Variants in MYOM3 observed in about 807,000 individuals in gnomAD.
MYOM3 encodes myomesin-3.
In MYOM3, 155 loss-of-function variants were observed where a neutral mutation model predicts 191.7. The ratio of observed to expected loss-of-function variants is 0.81; its 90% CI spans 0.71 to 0.92. The LOEUF is 0.92. Ranked by LOEUF, MYOM3 falls within the 40% of genes least tolerant of loss-of-function variation. The pLI, the probability that MYOM3 is intolerant of heterozygous loss-of-function variation, is 0.00. For synonymous variants in MYOM3, 757 were observed against 762.9 expected, an observed-to-expected ratio of 0.99 and a Z score of 0.13; for missense variants, 1,889 against 1,890.6, an observed-to-expected ratio of 1.00 and a Z score of 0.02.
chr1:24,080,090 C>A lies in MYOM3; in HGVS notation c.2512G>T (p.Val838Phe). The change falls in exon 20 of 37, where the codon GTC becomes TTC. Residue 838 changes from valine (V) to phenylalanine (F), a missense_variant. Transcript: ENST00000374434. The part of the protein sequence containing the change: ...MGAGPVTGYH[V>F]SFQEEGSEQW... Reference sequence around the variant, plus strand: ...TCAGAGCCTTCCTCCTGGAAACTGACGTGATAGCCTGTGACAGGCCCAGCC... The same window carrying A: ...TCAGAGCCTTCCTCCTGGAAACTGAAGTGATAGCCTGTGACAGGCCCAGCC... 1 of 1,614,152 alleles carries A rather than the reference C, an allele frequency of 6.2e-7. No homozygotes were observed. Among genetic ancestry groups the A allele is most frequent in the Non-Finnish European group, 8.5e-7 (1 of 1,180,016 alleles).
Position 24,076,140 on chromosome 1 carries a change from C to A in MYOM3, c.2701+19G>T, listed in dbSNP as rs1295459339. On this transcript the variant is annotated intron_variant, in intron 21 of 36. Coordinates refer to ENST00000374434, the MANE Select transcript of MYOM3 (RefSeq NM_152372.4). ...GCGTAGCCCAGTGGCAGAGCTCTGG[C>A]CTCTCCGGCCACCCCTACCTGGCTT... 1.3e-6 allele frequency: 2 copies of A among 1,596,500 alleles called. No individual in the cohort carries two copies. Among genetic ancestry groups the A allele is most frequent in the East Asian group, 2.2e-5 (1 of 44,796 alleles).
rs146094048 is a variant in MYOM3 at position 24,070,296 on chromosome 1, A to G, written c.3150+821T>C. Among the ~76,000 whole-genome samples, 1,006 of 152,334 alleles carry G rather than the reference A, an allele frequency of 6.6e-3. 14 individuals carry two copies. Among genetic ancestry groups the G allele is most frequent in the African/African-American group, 0.023 (962 of 41,566 alleles). On this transcript the variant is annotated intron_variant, in intron 25 of 36. Transcript: ENST00000374434. The stretch of plus-strand genomic sequence containing the variant: ...ATGAATGAGCATAGGTAAAGTAACC[A>G]GCAGAATAAAAATTCTCCATTCAGT...
chr1:24,060,217 T>C (rs537331295), intron 35 of MYOM3, among the ~76,000 whole-genome samples: 26 of 152,250 alleles, frequency 1.7e-4, no homozygotes, highest in South Asian at 1.7e-3. Flanking sequence ...GGTCTTGGGC[T>C]GTGCTCCCTC....
At position 24,071,227 on chromosome 1, in the gene MYOM3, T is replaced by C. The variant is rs554941995; in HGVS notation, c.3040A>G (p.Ile1014Val). The C allele has an allele frequency of 1.9e-6, 3 of 1,613,676 alleles. No homozygotes were observed. Among genetic ancestry groups the C allele is most frequent in the South Asian group, 2.2e-5 (2 of 90,922 alleles). ...PVIKLISGWN[I>V]DILERGEVRL... ...ACCTCCCCTCGCTCCAGGATGTCAA[T>C]GTTCCAGCCGGAGATCAGTTTGATC... is the stretch of plus-strand genomic sequence containing the variant. The change falls in exon 25 of 37, where the codon ATT becomes GTT. Residue 1014 changes from isoleucine to valine, a missense_variant. By Grantham distance (29) the Ile-to-Val change is conservative (BLOSUM62 3). Transcript: ENST00000374434.
chr1:24,071,030 A>G (rs1202270612), intron 25 of MYOM3, 87 bp downstream of exon 25: 1 of 1,477,792 alleles, frequency 6.8e-7, no homozygotes, highest in Non-Finnish European at 9.3e-7. Flanking sequence ...ACTAGGGGGA[A>G]GTACCAGCCC....
rs1428686260 is a variant in MYOM3 at position 24,067,098 on chromosome 1, C to T, written c.3356-10G>A. The T allele has an allele frequency of 3.2e-6, 5 of 1,567,540 alleles. No homozygotes were observed. Among genetic ancestry groups the T allele is most frequent in the Admixed American group, 1.8e-5 (1 of 54,128 alleles). The stretch of plus-strand genomic sequence containing the variant: ...CGCTCAAAATAGGGACCTGTGCGTG[C>T]AAAACAAATGTGCCCACTGTCAGAG... On this transcript the variant is annotated splice_polypyrimidine_tract_variant and intron_variant, in intron 27 of 36. Coordinates refer to ENST00000374434, the MANE Select transcript of MYOM3 (RefSeq NM_152372.4).
intron 20 of MYOM3, among the ~76,000 whole-genome samples, chr1:24,079,268 C>G (rs1028156265): frequency 6.6e-6 from 1 of 152,092 alleles, no homozygotes; most frequent in South Asian, 2.1e-4. Context: ...GGTACGATCA[C>G]GGCTCCCTGC....
chr1:24,106,096 G>A lies in MYOM3; in HGVS notation c.403-19C>T, dbSNP rs2148562213. On this transcript the variant is annotated intron_variant, in intron 4 of 36. Transcript: ENST00000374434. ...CCTCTGTCTGGAGGCGGGAAGAGGT[G>A]TATGACGCTGTGAGCCAGGGACCAC... 1.3e-6 allele frequency: 2 copies of A among 1,585,858 alleles called. No homozygotes were observed. Among genetic ancestry groups the A allele is most frequent in the Non-Finnish European group, 8.6e-7 (1 of 1,166,720 alleles).
chr1:24,070,830 T>C (rs900968981), intron 25 of MYOM3, among the ~76,000 whole-genome samples: 3 of 152,196 alleles, frequency 2.0e-5, no homozygotes, highest in African/African-American at 7.2e-5. Context: ...TAAGAATGTC[T>C]GGTGGGGTAA....
rs1003048915 is a variant in MYOM3, at chr1:24,070,294, C to T, written c.3150+823G>A. On this transcript the variant is annotated intron_variant, in intron 25 of 36. Transcript: ENST00000374434. Reference sequence around the variant, plus strand: ...AAATGAATGAGCATAGGTAAAGTAACCAGCAGAATAAAAATTCTCCATTCA... The same window carrying T: ...AAATGAATGAGCATAGGTAAAGTAATCAGCAGAATAAAAATTCTCCATTCA... Among the ~76,000 whole-genome samples, 6 of 152,022 alleles carry T rather than the reference C, an allele frequency of 3.9e-5. No homozygotes were observed. In the East Asian group the frequency reaches 1.2e-3, roughly 29 times the overall value.
rs541711403 is a variant in MYOM3 at position 24,090,490 on chromosome 1, C to T, written c.1432+307G>A. Among the ~76,000 whole-genome samples the T allele has an allele frequency of 6.6e-5, 10 of 152,294 alleles. No homozygotes were observed. In the South Asian group the frequency reaches 1.9e-3, roughly 28 times the overall value. On this transcript the variant is annotated intron_variant, in intron 12 of 36. Transcript: ENST00000374434. ...CGAGCTTAAGGACATCTGACAGGTGCTGGGGTAGGGTGCTCCCTCAGACTG... is the reference window on the plus strand; with the variant it reads ...CGAGCTTAAGGACATCTGACAGGTGTTGGGGTAGGGTGCTCCCTCAGACTG...
At position 24,078,902 on chromosome 1, in the gene MYOM3, GAGA is replaced by G. The variant is rs1272357371; in HGVS notation, c.2586+1111_2586+1113del. ...TTGTGAGTTGTCTTGGTTAGGCCAG[GAGA>G]AGACTATTTGTGATTTTCTTACCTC... On this transcript the variant is annotated intron_variant, in intron 20 of 36. Coordinates refer to ENST00000374434, the MANE Select transcript of MYOM3 (RefSeq NM_152372.4). 3.3e-5 allele frequency among the ~76,000 whole-genome samples: 5 copies of G among 152,248 alleles called. No homozygotes were observed. The East Asian group carries it at 9.6e-4, about 29-fold the overall frequency.
intron 20 of MYOM3, 75 bp from the exon 21 acceptor site, chr1:24,076,348 G>T: frequency 9.3e-7 from 1 of 1,072,024 alleles, no homozygotes; most frequent in Non-Finnish European, 1.4e-6. Context: ...AGGGAGCAGG[G>T]AGCCACTCTC....
At chr1:24,103,600 T>G (rs2148560997) in intron 5 of MYOM3, among the ~76,000 whole-genome samples, 1 of 152,342 alleles carries the variant, frequency 6.6e-6, no homozygotes, top group African/African-American at 2.4e-5. Flanking sequence ...ATTAACTGCC[T>G]GTTTTTCGGT....
At chr1:24,067,168 GGGGA>G (rs1375733743) in intron 27 of MYOM3, 80 bp from the exon 28 acceptor site, 1 of 1,386,998 alleles carries the variant, frequency 7.2e-7, no homozygotes, top group African/African-American at 1.4e-5. Context: ...GCAGTGCTGG[GGGGA>G]GGGACAGCTA....
At chr1:24,110,464 T>C (rs548886536) in intron 1 of MYOM3, among the ~76,000 whole-genome samples, 15 of 152,136 alleles carry the variant, frequency 9.9e-5, no homozygotes, top group Non-Finnish European at 1.9e-4. Flanking sequence ...GCATGGAAGG[T>C]GAGCCCACTG....
In MYOM3 at chr1:24,092,998, C is replaced by T. The variant is rs768724043; in HGVS notation, c.1039G>A (p.Val347Met). The change falls in exon 10 of 37, where the codon GTG (valine) becomes ATG (methionine). Residue 347 changes from valine to methionine, a missense_variant. By Grantham distance (21) the Val-to-Met change is conservative. Transcript: ENST00000374434. ...KEDEGLYMVR[V>M]PSPFGPREQS... ...TCCCGGGGTCCGAAGGGCGAGGGCA[C>T]CCGGACCATGTAGAGCCCCTCGTCC... 6.2e-7 allele frequency: 1 copy of T among 1,611,624 alleles called. No homozygotes were observed. Among genetic ancestry groups the T allele is most frequent in the South Asian group, 1.1e-5 (1 of 90,708 alleles).
chr1:24,081,419 C>G lies in MYOM3; in HGVS notation c.2318G>C (p.Arg773Pro). 6.2e-7 allele frequency: 1 copy of G among 1,614,106 alleles called. No individual in the cohort carries two copies. Among genetic ancestry groups the G allele is most frequent in the Non-Finnish European group, 8.5e-7 (1 of 1,180,024 alleles). The change falls in exon 19 of 37, where the codon CGT becomes CCT. Residue 773 changes from arginine to proline, a missense_variant. Physicochemically the swap from Arg to Pro is moderately radical, Grantham distance 103. Coordinates refer to ENST00000374434, the MANE Select transcript of MYOM3 (RefSeq NM_152372.4). ...ACCTGCCCAGTTGGCAGCCCGGGCA[C>G]GGAACTCATAGAAGTGGCCTTCATG... is the stretch of plus-strand genomic sequence containing the variant. ...DLHEGHFYEF[R>P]ARAANWAGVG...
intron 17 of MYOM3, 67 bp from the exon 18 acceptor site, chr1:24,082,255 G>A: frequency 2.1e-6 from 3 of 1,410,448 alleles, no homozygotes; most frequent in Non-Finnish European, 9.6e-7. Flanking sequence ...AGTGGGGCCT[G>A]AGGGAGCTGA....
Sources: allele counts gnomAD v4.1 joint callset (sites outside exome capture counted in the v4.1 genomes callset), GRCh38; gene constraint gnomAD v4.1.1; transcripts MANE v1.5; gene names NCBI Gene and HGNC (gene_info 2026-07-23, HGNC 2026-07-21).